Variants in NR1H3 observed in about 807,000 individuals in gnomAD.
The protein encoded by NR1H3 is nuclear receptor subfamily 1 group H member 3, also known as oxysterols receptor LXR-alpha.
In NR1H3, 19 loss-of-function variants were observed where a neutral mutation model predicts 48.1. That is an observed-to-expected ratio of 0.40 (90% CI 0.28 to 0.58). The LOEUF is 0.58. NR1H3 is among the 20% of genes least tolerant of loss of function. NR1H3 has a pLI of 0.50. For missense variants in NR1H3, 486 were observed against 595.9 expected (o/e 0.82, Z 1.92); for synonymous variants, 232 against 227.3 (o/e 1.02, Z -0.19).
At chr11:47,255,541 T>C (rs78707704), upstream of NR1H3, among the ~76,000 whole-genome samples, 2,334 of 71,016 alleles carry the variant, frequency 0.033, 51 homozygotes, top group Non-Finnish European at 0.048. Context: ...CTTTCTTTCT[T>C]TTTCTTTCTT....
chr11:47,248,888 G>C (rs1457730946), upstream of NR1H3: 1 of 1,548,226 alleles, frequency 6.5e-7, no homozygotes, highest in Non-Finnish European at 8.7e-7. Flanking sequence ...CCGGAAGTGC[G>C]TTCGCCGCCA....
At chr11:47,262,121 T>G (rs921814178) in intron 7 of NR1H3, 103 bp downstream of exon 7, 4 of 811,338 alleles carry the variant, frequency 4.9e-6, no homozygotes, top group Non-Finnish European at 7.9e-6. Flanking sequence ...GGCTCATGCC[T>G]GTAATCCCAG....
chr11:47,261,605 A>G lies in NR1H3; in HGVS notation c.767A>G (p.His256Arg). 1.9e-6 allele frequency: 3 copies of G among 1,614,098 alleles called. No individual in the cohort carries two copies. Among genetic ancestry groups the G allele is most frequent in the Non-Finnish European group, 2.5e-6 (3 of 1,180,020 alleles). The change falls in exon 6 of 10, where the codon CAC becomes CGC. Residue 256 changes from histidine to arginine, a missense_variant. By Grantham distance (29) the His-to-Arg change is conservative (BLOSUM62 0). Coordinates refer to ENST00000441012, the MANE Select transcript of NR1H3 (RefSeq NM_005693.4). ...SREARQQRFA[H>R]FTELAIVSVQ... The stretch of plus-strand genomic sequence containing the variant: ...GAGGCCCGTCAGCAGCGCTTTGCCC[A>G]CTTCACTGAGCTGGCCATCGTCTCT...
At chr11:47,252,959 C>CTTTTTT (rs35321542) in intron 1 of NR1H3, among the ~76,000 whole-genome samples, 3 of 113,298 alleles carry the variant, frequency 2.6e-5, no homozygotes, top group Non-Finnish European at 5.3e-5. Flanking sequence ...AACTTGTATT[C>CTTTTTT]TTTTTTTTTT....
At chr11:47,248,944 G>A (rs753075521) in exon 1 of NR1H3, 2 of 1,533,054 alleles carry the variant, frequency 1.3e-6, no homozygotes, top group Non-Finnish European at 1.7e-6. Flanking sequence ...GCGCAGTCTC[G>A]GTGGGATTGC....
At chr11:47,260,959 C>T (rs1197015415) in intron 4 of NR1H3, among the ~76,000 whole-genome samples, 1 of 151,944 alleles carries the variant, frequency 6.6e-6, no homozygotes, top group Non-Finnish European at 1.5e-5. Flanking sequence ...GTGGTGAGCG[C>T]CTGTAATCCC....
At chr11:47,261,512 G>A (rs756823363) in intron 5 of NR1H3, 35 bp from the exon 6 acceptor site, 146 of 1,610,292 alleles carry the variant, frequency 9.1e-5, no homozygotes, top group Non-Finnish European at 9.9e-5. Flanking sequence ...CTTGATGTCC[G>A]ACTCAAAGCG....
chr11:47,248,561 A>G, upstream of NR1H3: 1 of 1,551,672 alleles, frequency 6.4e-7, no homozygotes, highest in Non-Finnish European at 8.7e-7. Context: ...CCAACTACCC[A>G]GGCCAGTCGT....
chr11:47,256,938 G>A (rs1955238665), upstream of NR1H3, among the ~76,000 whole-genome samples: 1 of 152,034 alleles, frequency 6.6e-6, no homozygotes, highest in South Asian at 2.1e-4. Context: ...CACCGTGTTA[G>A]CCAGGATGGT....
chr11:47,260,417 C>T lies in NR1H3; in HGVS notation c.241C>T (p.Pro81Ser). 1 of 1,612,482 alleles carries T rather than the reference C, an allele frequency of 6.2e-7. No homozygotes were observed. The highest frequency in any genetic ancestry group is 8.5e-7 in the Non-Finnish European group (1 of 1,178,852). The part of the protein sequence containing the change: ...EPPSEPTEIR[P>S]QKRKKGPAPK... ...CACTTTCCTGTATCCAGAGATCCGTCCACAAAAGCGGAAAAAGGGGCCAGC... is the reference window on the plus strand; with the variant it reads ...CACTTTCCTGTATCCAGAGATCCGTTCACAAAAGCGGAAAAAGGGGCCAGC... Residue 81 changes from proline to serine, a missense_variant, in exon 4 of 10, where the codon CCA becomes TCA. By Grantham distance (74) the Pro-to-Ser change is moderately conservative. Transcript: ENST00000441012.
At chr11:47,251,611 CA>C (rs1291514087) in intron 1 of NR1H3, among the ~76,000 whole-genome samples, 34 of 142,304 alleles carry the variant, frequency 2.4e-4, no homozygotes, top group South Asian at 4.4e-4. Context: ...GACTCTGTCT[CA>C]AAAAAAAAAA....
At chr11:47,257,539 C>A, upstream of NR1H3, 1 of 530,120 alleles carries the variant, frequency 1.9e-6, no homozygotes, top group Non-Finnish European at 2.4e-6. Context: ...AGCTTCTTGG[C>A]CTCTTCCCAG....
Position 47,268,040 on chromosome 11 carries a change from G to A in NR1H3, c.1102+14G>A. ...TCTTCTCTGCAGGTGTGGAGGAGGGGCAATGGGAAACAGCAAGAGACTTAC... is the reference window on the plus strand; with the variant it reads ...TCTTCTCTGCAGGTGTGGAGGAGGGACAATGGGAAACAGCAAGAGACTTAC... On this transcript the variant is annotated intron_variant, in intron 8 of 9. Coordinates refer to ENST00000441012, the MANE Select transcript of NR1H3 (RefSeq NM_005693.4). 1 of 1,590,786 alleles carries A rather than the reference G, an allele frequency of 6.3e-7. No individual in the cohort carries two copies. Among genetic ancestry groups the A allele is most frequent in the Non-Finnish European group, 8.6e-7 (1 of 1,160,816 alleles).
chr11:47,251,336 C>T (rs953949750), intron 1 of NR1H3, among the ~76,000 whole-genome samples: 5 of 150,978 alleles, frequency 3.3e-5, no homozygotes, highest in African/African-American at 4.9e-5. Context: ...GGACCTAGGC[C>T]GGACATGGCT....
chr11:47,251,346 T>G (rs1954637913), intron 1 of NR1H3, among the ~76,000 whole-genome samples: 1 of 152,032 alleles, frequency 6.6e-6, no homozygotes, highest in Non-Finnish European at 1.5e-5. Flanking sequence ...CGGACATGGC[T>G]CACACCTGTA....
chr11:47,255,541 T>TTTTCTTTC (rs1173009490), upstream of NR1H3, among the ~76,000 whole-genome samples: 76 of 71,638 alleles, frequency 1.1e-3, no homozygotes, highest in East Asian at 2.9e-3. Context: ...CTTTCTTTCT[T>TTTTCTTTC]TTTCTTTCTT....
chr11:47,257,773 G>A (rs1955329331), upstream of NR1H3: 1 of 957,556 alleles, frequency 1.0e-6, no homozygotes, highest in South Asian at 4.8e-5. Flanking sequence ...AACTTGGCTG[G>A]TCTGCAGGGA....
chr11:47,266,958 A>G (rs759168110), intron 7 of NR1H3, among the ~76,000 whole-genome samples: 7 of 152,102 alleles, frequency 4.6e-5, no homozygotes, highest in Non-Finnish European at 1.0e-4. Flanking sequence ...GATTCTTGAT[A>G]AACAAAAATA....
At chr11:47,264,925 C>T (rs1288465667) in intron 7 of NR1H3, among the ~76,000 whole-genome samples, 1 of 152,182 alleles carries the variant, frequency 6.6e-6, no homozygotes, top group African/African-American at 2.4e-5. Flanking sequence ...TATAGAACCT[C>T]CTCTTAATTT....
Sources: gnomAD v4.1 joint callset for allele counts (sites outside exome capture counted in the v4.1 genomes callset) on GRCh38, gnomAD v4.1.1 for gene constraint, MANE v1.5 for transcripts, NCBI Gene and HGNC (gene_info 2026-07-23, HGNC 2026-07-21) for gene names.